RBFOX1: variants seen among roughly 807,000 people sequenced by gnomAD.
RBFOX1 encodes the protein RNA binding fox-1 homolog 1, also known as RNA binding protein fox-1 homolog 1.
Under a neutral mutation model 57.7 loss-of-function variants are expected in RBFOX1, and 8 were observed. The observed-to-expected ratio is 0.14, with a 90% CI of 0.08 to 0.25. The LOEUF (loss-of-function observed/expected upper bound fraction) is 0.25. RBFOX1 is among the 10% of genes least tolerant of loss of function. RBFOX1 has a pLI of 1.00. For synonymous variants in RBFOX1, 326 were observed against 222.4 expected (o/e 1.47, Z -4.15); for missense variants, 611 against 548.5 (o/e 1.11, Z -1.14).
intron 1 of RBFOX1, among the ~76,000 whole-genome samples, chr16:6,086,583 A>C (rs2096087818): frequency 6.6e-6 from 1 of 152,182 alleles, no homozygotes; most frequent in African/African-American, 2.4e-5. Flanking sequence ...ATGGAGCCCA[A>C]GTCTATACTG....
chr16:6,737,970 G>C (rs997094896), intron 3 of RBFOX1, among the ~76,000 whole-genome samples: 1 of 150,892 alleles, frequency 6.6e-6, no homozygotes, highest in African/African-American at 2.4e-5. Flanking sequence ...TTGAGCCAGA[G>C]AAAAGTGCTA....
intron 4 of RBFOX1, among the ~76,000 whole-genome samples, chr16:7,446,675 C>G (rs1423123198): frequency 3.3e-5 from 5 of 152,110 alleles, no homozygotes; most frequent in African/African-American, 1.2e-4. Context: ...CAGTAACTCC[C>G]TGTTGGGCAA....
At chr16:6,068,752 C>T (rs376406731) in intron 1 of RBFOX1, among the ~76,000 whole-genome samples, 1 of 152,174 alleles carries the variant, frequency 6.6e-6, no homozygotes, top group African/African-American at 2.4e-5. Context: ...TACAGGTAGA[C>T]ATATAGCTTA....
chr16:7,497,549 T>C, intron 4 of RBFOX1, among the ~76,000 whole-genome samples: 1 of 152,226 alleles, frequency 6.6e-6, no homozygotes, highest in Non-Finnish European at 1.5e-5. Flanking sequence ...AGAGCAGGAC[T>C]ATTTTCTTAT....
chr16:7,074,139 G>A (rs1407774494), intron 4 of RBFOX1, among the ~76,000 whole-genome samples: 1 of 152,154 alleles, frequency 6.6e-6, no homozygotes, highest in African/African-American at 2.4e-5. Context: ...TTTGTCCACT[G>A]ATTAGGAGAA....
intron 2 of RBFOX1, among the ~76,000 whole-genome samples, chr16:6,487,006 C>T (rs961932379): frequency 2.0e-4 from 31 of 151,906 alleles, no homozygotes; most frequent in African/African-American, 7.3e-4. Flanking sequence ...ATTTAATATA[C>T]AGTGTTTGGT....
intron 4 of RBFOX1, among the ~76,000 whole-genome samples, chr16:5,868,691 A>G (rs578013122): frequency 5.3e-4 from 81 of 152,334 alleles, no homozygotes; most frequent in Non-Finnish European, 8.7e-4. Flanking sequence ...GGGAAGCACA[A>G]GGATAGGGCA....
chr16:5,763,352 T>C lies in RBFOX1; in HGVS notation c.319-103951T>C, dbSNP rs142180946. Among the ~76,000 whole-genome samples the C allele has an allele frequency of 4.3e-3, 661 of 152,288 alleles. 8 individuals carry two copies. Among genetic ancestry groups the C allele is most frequent in the African/African-American group, 0.015 (625 of 41,570 alleles). On this transcript the variant is annotated intron_variant, in intron 3 of 19. Coordinates refer to the RBFOX1 transcript ENST00000641259. ...TGCTGCTCGTTGCCCAAGTTGGCTG[T>C]GCTTGGGGGTGACTCGCTCCCAGCT...
At chr16:5,761,054 C>T (rs2151644274) in intron 3 of RBFOX1, among the ~76,000 whole-genome samples, 1 of 152,260 alleles carries the variant, frequency 6.6e-6, no homozygotes, top group East Asian at 1.9e-4. Flanking sequence ...GTAGAAGGTT[C>T]TGGGGCAGGA....
chr16:7,389,244 G>C (rs1331450676), intron 4 of RBFOX1, among the ~76,000 whole-genome samples: 1 of 152,048 alleles, frequency 6.6e-6, no homozygotes, highest in Non-Finnish European at 1.5e-5. Context: ...CTGTACCTCA[G>C]CCTCCTGAAT....
chr16:5,669,978 C>T (rs1404082754), intron 3 of RBFOX1, among the ~76,000 whole-genome samples: 3 of 152,138 alleles, frequency 2.0e-5, no homozygotes, highest in Non-Finnish European at 4.4e-5. Flanking sequence ...GTGGTCTATC[C>T]ATACAGCAGA....
intron 4 of RBFOX1, among the ~76,000 whole-genome samples, chr16:7,078,510 G>T (rs2058651923): frequency 1.3e-5 from 2 of 151,744 alleles, no homozygotes; most frequent in African/African-American, 4.8e-5. Context: ...ATCACGCCTG[G>T]CTAATTTTTG....
chr16:7,001,113 C>G (rs535566939), intron 3 of RBFOX1, among the ~76,000 whole-genome samples: 16 of 152,206 alleles, frequency 1.1e-4, no homozygotes, highest in South Asian at 2.1e-4. Context: ...ATAGGGGCAT[C>G]TGTATCTTCC....
rs369757780 is a variant in RBFOX1 at position 7,118,618 on chromosome 16, ACTTAT to A, written c.27+66527_27+66531del. Among the ~76,000 whole-genome samples the A allele has an allele frequency of 3.2e-4, 49 of 152,250 alleles. 1 individual carries two copies. The East Asian group carries it at 7.7e-3, about 24-fold the overall frequency. On this transcript the variant is annotated intron_variant, in intron 4 of 15. Coordinates refer to ENST00000550418, the MANE Select transcript of RBFOX1 (RefSeq NM_018723.4). ...TATATAATCACATACATGTAATCAC[ACTTAT>A]CTTATCACCTCTGTCATATTCCATT... is the stretch of plus-strand genomic sequence containing the variant.
chr16:7,148,206 C>A (rs943548468), intron 4 of RBFOX1, among the ~76,000 whole-genome samples: 1 of 152,108 alleles, frequency 6.6e-6, no homozygotes, highest in Non-Finnish European at 1.5e-5. Flanking sequence ...TCTGTTAGAT[C>A]AACAATTAAG....
At chr16:6,981,454 C>T (rs1188003176) in intron 3 of RBFOX1, among the ~76,000 whole-genome samples, 1 of 152,186 alleles carries the variant, frequency 6.6e-6, no homozygotes, top group African/African-American at 2.4e-5. Context: ...CATAGTATTC[C>T]ATGGTGTGTA....
At chr16:5,354,421 G>A (rs1013293701) in intron 1 of RBFOX1, among the ~76,000 whole-genome samples, 1 of 152,154 alleles carries the variant, frequency 6.6e-6, no homozygotes. Context: ...TGTGACCTTA[G>A]GCAAGTCACT....
chr16:7,199,543 G>T (rs774259477), intron 4 of RBFOX1, among the ~76,000 whole-genome samples: 6 of 152,140 alleles, frequency 3.9e-5, no homozygotes, highest in East Asian at 1.9e-4. Flanking sequence ...CAGAGGAATG[G>T]TATCTACTTC....
At chr16:6,605,603 T>G (rs1321538182) in intron 2 of RBFOX1, among the ~76,000 whole-genome samples, 1 of 152,168 alleles carries the variant, frequency 6.6e-6, no homozygotes, top group Non-Finnish European at 1.5e-5. Context: ...CTACTTTACA[T>G]GTAGTGACTT....
Sources: gnomAD v4.1 joint callset for allele counts (sites outside exome capture counted in the v4.1 genomes callset) on GRCh38, gnomAD v4.1.1 for gene constraint, MANE v1.5 for transcripts, NCBI Gene and HGNC (gene_info 2026-07-23, HGNC 2026-07-21) for gene names.